FNBP1L: variants seen among roughly 807,000 people sequenced by gnomAD.
FNBP1L encodes the protein formin-binding protein 1-like.
Under a neutral mutation model 91.2 loss-of-function variants are expected in FNBP1L, and 36 were observed. The ratio of observed to expected loss-of-function variants is 0.39; its 90% CI spans 0.30 to 0.52. The LOEUF is 0.52. Among genes scored for constraint, FNBP1L ranks in the 20% least tolerant of loss-of-function variants. The probability of loss-of-function intolerance (pLI) is 0.66; values close to 1 mark genes in which losing one functional copy is unlikely to be tolerated. For synonymous variants in FNBP1L, 242 were observed against 237.0 expected (o/e 1.02, Z -0.19); for missense variants, 571 against 732.1 (o/e 0.78, Z 2.54).
Position 93,524,231 on chromosome 1 carries a change from A to T in FNBP1L, c.343-30A>T, listed in dbSNP as rs997814341. 3.3e-5 allele frequency: 47 copies of T among 1,423,994 alleles called. No individual in the cohort carries two copies. The Admixed American group carries it at 4.6e-4, about 14-fold the overall frequency. 88.2% of individuals were successfully genotyped at this position (1,423,994 alleles called of 1,614,324 possible). A position where few individuals can be genotyped will look rare whatever the true frequency, so the allele number is the denominator to read the frequency against. On this transcript the variant is annotated intron_variant, in intron 4 of 16. Coordinates refer to ENST00000271234, the MANE Select transcript of FNBP1L (RefSeq NM_001164473.3). ...TGTTTTTGTTTTATTTTTTATTTTTATTTTTTTTGGCCGTGGTTATAATCT... is the reference window on the plus strand; with the variant it reads ...TGTTTTTGTTTTATTTTTTATTTTTTTTTTTTTTGGCCGTGGTTATAATCT...
chr1:93,486,679 C>T lies in FNBP1L; in HGVS notation c.25-12789C>T, dbSNP rs1213428739. 2.0e-5 allele frequency among the ~76,000 whole-genome samples: 3 copies of T among 152,088 alleles called. No individual in the cohort carries two copies. The East Asian group carries it at 5.8e-4, about 29-fold the overall frequency. On this transcript the variant is annotated intron_variant, in intron 1 of 16. Transcript: ENST00000271234. ...CTGTTTTACTGAAAATAAACAGAAGCAATCGTAGGAGAATTTCCACGTGCT... is the reference window on the plus strand; with the variant it reads ...CTGTTTTACTGAAAATAAACAGAAGTAATCGTAGGAGAATTTCCACGTGCT...
At chr1:93,493,099 A>G (rs533214882) in intron 1 of FNBP1L, among the ~76,000 whole-genome samples, 6 of 152,220 alleles carry the variant, frequency 3.9e-5, no homozygotes, top group Non-Finnish European at 5.9e-5. Context: ...CCGTGTCTCT[A>G]CTAAAAATAC....
intron 1 of FNBP1L, among the ~76,000 whole-genome samples, chr1:93,448,680 T>A (rs897544797): frequency 2.0e-5 from 3 of 151,462 alleles, no homozygotes; most frequent in African/African-American, 7.3e-5. Flanking sequence ...TTTGTATCTC[T>A]CCTCCCGGAG....
At chr1:93,495,668 C>G (rs899804330) in intron 1 of FNBP1L, among the ~76,000 whole-genome samples, 2 of 152,014 alleles carry the variant, frequency 1.3e-5, no homozygotes, top group African/African-American at 4.8e-5. Context: ...TTTTCTTTAA[C>G]TAGTATGCTT....
rs377284497 is a variant in FNBP1L, at chr1:93,532,984, T to G, written c.702T>G (p.Ala234=). ...TCAGTGAGTGTTACAGAGGATTTGC[T>G]GACTCAGAACGCAAAGTTATTCCCA... The part of the protein sequence containing the change: ...IKLSECYRGF[A]DSERKVIPII... The change falls in exon 8 of 17, where the codon GCT becomes GCG. Residue 234 remains alanine, a synonymous_variant. Coordinates refer to ENST00000271234, the MANE Select transcript of FNBP1L (RefSeq NM_001164473.3). 1.8e-4 allele frequency: 285 copies of G among 1,613,510 alleles called. No individual in the cohort carries two copies. In the African/African-American group the frequency reaches 3.5e-3, roughly 20 times the overall value.
chr1:93,450,354 A>AT (rs1668452419), intron 1 of FNBP1L, among the ~76,000 whole-genome samples: 1 of 152,176 alleles, frequency 6.6e-6, no homozygotes, highest in African/African-American at 2.4e-5. Flanking sequence ...TCTGAAAAAG[A>AT]TTTTTAATTT....
intron 2 of FNBP1L, among the ~76,000 whole-genome samples, chr1:93,513,550 A>C (rs1011333803): frequency 3.3e-5 from 5 of 150,668 alleles, no homozygotes; most frequent in Non-Finnish European, 7.5e-5. Context: ...ATCCAGCAGC[A>C]CATCAAAAAG....
intron 1 of FNBP1L, among the ~76,000 whole-genome samples, chr1:93,476,672 G>A (rs1669506885): frequency 6.6e-6 from 1 of 152,102 alleles, no homozygotes; most frequent in South Asian, 2.1e-4. Flanking sequence ...CTGAAAAATG[G>A]TTAGGAGATA....
chr1:93,469,437 A>G (rs1032137088), intron 1 of FNBP1L, among the ~76,000 whole-genome samples: 4 of 152,168 alleles, frequency 2.6e-5, no homozygotes, highest in Non-Finnish European at 5.9e-5. Context: ...ATGGCTGCAT[A>G]GTATATTCCA....
intron 1 of FNBP1L, among the ~76,000 whole-genome samples, chr1:93,456,148 T>TG (rs1668649866): frequency 6.6e-6 from 1 of 152,156 alleles, no homozygotes; most frequent in Non-Finnish European, 1.5e-5. Flanking sequence ...GAGTCAGCAT[T>TG]TAGAATCTGT....
In FNBP1L at chr1:93,553,218, AAC is replaced by A. The variant is rs1485921616; in HGVS notation, c.*806_*807del. 1 of 152,660 alleles carries A rather than the reference AAC, an allele frequency of 6.6e-6. No individual in the cohort carries two copies. The highest frequency in any genetic ancestry group is 1.5e-5 in the Non-Finnish European group (1 of 68,048). The allele number at this position is 152,660 out of a possible 1,614,324, so 9.5% of individuals were successfully genotyped here. A position where few individuals can be genotyped will look rare whatever the true frequency, so the allele number is the denominator to read the frequency against. Reference sequence around the variant, plus strand: ...TCAGCACTGAAATCCTGGCATAATAAACACAGAAGATATTCACCACCTCAAGA... The same window carrying A: ...TCAGCACTGAAATCCTGGCATAATAAACAGAAGATATTCACCACCTCAAGA... On this transcript the variant is annotated 3_prime_UTR_variant, in exon 17 of 17. Coordinates refer to ENST00000271234, the MANE Select transcript of FNBP1L (RefSeq NM_001164473.3).
intron 1 of FNBP1L, among the ~76,000 whole-genome samples, chr1:93,460,277 GT>G (rs1269681906): frequency 2.0e-5 from 3 of 152,122 alleles, no homozygotes; most frequent in Non-Finnish European, 2.9e-5. Context: ...TGCCCTTTTG[GT>G]GTGTGACGAC....
chr1:93,524,678 T>C (rs2101752329), intron 5 of FNBP1L, among the ~76,000 whole-genome samples: 1 of 151,620 alleles, frequency 6.6e-6, no homozygotes, highest in East Asian at 1.9e-4. Flanking sequence ...TAGAAGACTA[T>C]TTCCTGAGGA....
chr1:93,492,078 C>T (rs1328654562), intron 1 of FNBP1L, among the ~76,000 whole-genome samples: 1 of 152,138 alleles, frequency 6.6e-6, no homozygotes, highest in African/African-American at 2.4e-5. Context: ...TAGATATAGT[C>T]TAAGGTTCTA....
At chr1:93,499,726 A>G in intron 2 of FNBP1L, 143 bp downstream of exon 2, 1 of 588,352 alleles carries the variant, frequency 1.7e-6, no homozygotes, top group Non-Finnish European at 3.0e-6. Context: ...TGTTTTAATG[A>G]TTAATTAAGT....
chr1:93,471,168 T>C (rs1292204678), intron 1 of FNBP1L, among the ~76,000 whole-genome samples: 1 of 152,202 alleles, frequency 6.6e-6, no homozygotes, highest in African/African-American at 2.4e-5. Flanking sequence ...TTGGATTTTT[T>C]GGAATACTTT....
intron 2 of FNBP1L, among the ~76,000 whole-genome samples, chr1:93,511,124 G>A (rs1670823577): frequency 6.6e-6 from 1 of 151,960 alleles, no homozygotes; most frequent in Non-Finnish European, 1.5e-5. Context: ...GATACTTCTC[G>A]AGAAGAGCAA....
At chr1:93,504,063 A>G (rs1425892863) in intron 2 of FNBP1L, among the ~76,000 whole-genome samples, 2 of 152,188 alleles carry the variant, frequency 1.3e-5, no homozygotes, top group Admixed American at 6.5e-5. Context: ...AATTCCTTTG[A>G]TCAGAGATTA....
chr1:93,512,446 C>T lies in FNBP1L; in HGVS notation c.141-9636C>T, dbSNP rs1269905278. Among the ~76,000 whole-genome samples the T allele has an allele frequency of 3.9e-5, 6 of 152,038 alleles. No homozygotes were observed. The South Asian group carries it at 1.0e-3, about 26-fold the overall frequency. On this transcript the variant is annotated intron_variant, in intron 2 of 16. Transcript: ENST00000271234. Reference sequence around the variant, plus strand: ...CCTAATAGACATCTACAGAACTCTCCACCCCAAATCAACAGAATATACAAT... The same window carrying T: ...CCTAATAGACATCTACAGAACTCTCTACCCCAAATCAACAGAATATACAAT...
Sources: allele counts gnomAD v4.1 joint callset (sites outside exome capture counted in the v4.1 genomes callset), GRCh38; gene constraint gnomAD v4.1.1; transcripts MANE v1.5; gene names NCBI Gene and HGNC (gene_info 2026-07-23, HGNC 2026-07-21).